Variants in FAM193A observed in about 807,000 individuals in gnomAD.
The protein encoded by FAM193A is protein FAM193A.
FAM193A carries 22 observed loss-of-function variants against 126.5 expected under a neutral mutation model. The ratio of observed to expected loss-of-function variants is 0.17; its 90% CI spans 0.12 to 0.25. FAM193A has a LOEUF of 0.25. Ranked by LOEUF, FAM193A falls within the 10% of genes least tolerant of loss-of-function variation. FAM193A has a pLI of 1.00. For synonymous variants in FAM193A, 761 were observed against 646.8 expected, an observed-to-expected ratio of 1.18 and a Z score of -2.68; for missense variants, 1,675 against 1,672.8, an observed-to-expected ratio of 1.00 and a Z score of -0.02.
At chr4:2,629,219 CAAAAA>C (rs150200524) in intron 4 of FAM193A, among the ~76,000 whole-genome samples, 1 of 135,824 alleles carries the variant, frequency 7.4e-6, no homozygotes, top group African/African-American at 2.8e-5. Context: ...CAGAAATAGA[CAAAAA>C]AAAAAAAGAG....
intron 1 of FAM193A, among the ~76,000 whole-genome samples, chr4:2,565,162 T>C (rs990067179): frequency 1.3e-5 from 2 of 151,852 alleles, no homozygotes; most frequent in African/African-American, 4.8e-5. Flanking sequence ...TGAGTACTCT[T>C]TTGATGAGAC....
intron 20 of FAM193A, among the ~76,000 whole-genome samples, chr4:2,723,218 G>T (rs1720353666): frequency 6.6e-6 from 1 of 152,104 alleles, no homozygotes; most frequent in South Asian, 2.1e-4. Flanking sequence ...AAGTTGCAGT[G>T]AGCCAACATC....
intron 1 of FAM193A, among the ~76,000 whole-genome samples, chr4:2,566,464 CG>C (rs1267052725): frequency 1.3e-5 from 2 of 152,030 alleles, no homozygotes; most frequent in Admixed American, 1.3e-4. Context: ...ATGAGGCGGA[CG>C]GATCACTTGA....
chr4:2,707,267 A>G (rs1328316822), intron 19 of FAM193A, among the ~76,000 whole-genome samples: 2 of 152,204 alleles, frequency 1.3e-5, no homozygotes, highest in Non-Finnish European at 2.9e-5. Flanking sequence ...GTTTACTTTC[A>G]GGTCATTCAG....
In FAM193A at chr4:2,625,515, G is replaced by C. The variant is rs149009698; in HGVS notation, c.635+120G>C. 4.7e-4 allele frequency: 249 copies of C among 528,150 alleles called. 1 individual carries two copies. The highest frequency in any genetic ancestry group is 4.4e-3 in the African/African-American group (232 of 52,298). The allele number at this position is 528,150 out of a possible 1,614,324, so 32.7% of individuals were successfully genotyped here. A position where few individuals can be genotyped will look rare whatever the true frequency, so the allele number is the denominator to read the frequency against. On this transcript the variant is annotated intron_variant, in intron 3 of 20. Coordinates refer to ENST00000637812, the MANE Select transcript of FAM193A (RefSeq NM_001366318.2). ...AGACAGCAACAAGAGTAAGGCAGTTGCTTCGCTATTGAGAGAAAGAACCAT... is the reference window on the plus strand; with the variant it reads ...AGACAGCAACAAGAGTAAGGCAGTTCCTTCGCTATTGAGAGAAAGAACCAT...
At chr4:2,590,463 C>CAAAAA (rs774897240) in intron 1 of FAM193A, among the ~76,000 whole-genome samples, 3 of 13,558 alleles carry the variant, frequency 2.2e-4, no homozygotes, top group African/African-American at 4.1e-4. Flanking sequence ...GACTCCATCT[C>CAAAAA]AAAAAAAAAA....
At chr4:2,566,202 C>G (rs1291630736) in intron 1 of FAM193A, among the ~76,000 whole-genome samples, 1 of 152,112 alleles carries the variant, frequency 6.6e-6, no homozygotes, top group East Asian at 1.9e-4. Context: ...CGCCCGCCAC[C>G]TCGCCCGGCT....
intron 2 of FAM193A, among the ~76,000 whole-genome samples, chr4:2,597,072 G>A (rs35792778): frequency 0.26 from 39,407 of 151,912 alleles, 5,646 homozygotes; most frequent in Middle Eastern, 0.37. Context: ...TCTGAAGAGC[G>A]CATCCCCACT....
chr4:2,717,425 G>A (rs965075815), intron 20 of FAM193A, among the ~76,000 whole-genome samples: 4 of 151,780 alleles, frequency 2.6e-5, no homozygotes, highest in Non-Finnish European at 5.9e-5. Flanking sequence ...GTGAAACCCC[G>A]TCTCTACTAA....
At chr4:2,705,111 C>T (rs973078341) in intron 19 of FAM193A, among the ~76,000 whole-genome samples, 5 of 152,122 alleles carry the variant, frequency 3.3e-5, no homozygotes, top group African/African-American at 1.2e-4. Context: ...GGGGTTTCAC[C>T]GTGTTAGCCG....
At chr4:2,692,785 G>A (rs761581209) in intron 15 of FAM193A, among the ~76,000 whole-genome samples, 42 of 145,868 alleles carry the variant, frequency 2.9e-4, no homozygotes, top group Non-Finnish European at 4.8e-4. Context: ...TTAGATGAGA[G>A]TATCCTGTCA....
intron 12 of FAM193A, among the ~76,000 whole-genome samples, chr4:2,666,503 T>C (rs111560319): frequency 0.017 from 2,602 of 152,336 alleles, 58 homozygotes; most frequent in African/African-American, 0.05. Flanking sequence ...TGTCTGACTT[T>C]GGTATCAGAG....
intron 6 of FAM193A, among the ~76,000 whole-genome samples, chr4:2,641,385 A>G (rs572877949): frequency 2.0e-5 from 3 of 151,848 alleles, no homozygotes; most frequent in East Asian, 2.0e-4. Context: ...TAGGACTGGT[A>G]CGGTGGCTCA....
chr4:2,644,016 A>G (rs1185154332), intron 6 of FAM193A, among the ~76,000 whole-genome samples: 2 of 152,340 alleles, frequency 1.3e-5, no homozygotes, highest in East Asian at 1.9e-4. Context: ...TGGTAACATT[A>G]CAGTAAGCAT....
intron 13 of FAM193A, among the ~76,000 whole-genome samples, chr4:2,678,905 G>A (rs1714768470): frequency 6.6e-6 from 1 of 152,118 alleles, no homozygotes; most frequent in South Asian, 2.1e-4. Context: ...CAGTTTAGAT[G>A]CCTTTTATTT....
intron 2 of FAM193A, among the ~76,000 whole-genome samples, chr4:2,622,397 G>T (rs1742608662): frequency 1.3e-5 from 2 of 151,762 alleles, no homozygotes; most frequent in Admixed American, 1.3e-4. Flanking sequence ...TGCCTGTCCT[G>T]TTCCTCCAGG....
intron 4 of FAM193A, among the ~76,000 whole-genome samples, chr4:2,628,880 T>G (rs1743253450): frequency 6.8e-6 from 1 of 147,302 alleles, no homozygotes. Context: ...TGAGACGGAG[T>G]CTCGCTCTGT....
intron 7 of FAM193A, among the ~76,000 whole-genome samples, chr4:2,656,338 TTA>T (rs1304010473): frequency 6.6e-6 from 1 of 152,212 alleles, no homozygotes; most frequent in Non-Finnish European, 1.5e-5. Flanking sequence ...CCTTTTTCAT[TTA>T]TATGACATTT....
intron 20 of FAM193A, among the ~76,000 whole-genome samples, chr4:2,728,973 G>A (rs75836234): frequency 0.046 from 6,717 of 145,706 alleles, 508 homozygotes; most frequent in African/African-American, 0.15. Flanking sequence ...GTGCAGTGGC[G>A]CATTCTCAGT....
Sources: allele counts gnomAD v4.1 joint callset (sites outside exome capture counted in the v4.1 genomes callset), GRCh38; gene constraint gnomAD v4.1.1; transcripts MANE v1.5; gene names NCBI Gene and HGNC (gene_info 2026-07-23, HGNC 2026-07-21).